PTPRD: variants seen among roughly 807,000 people sequenced by gnomAD.
The protein encoded by PTPRD is receptor-type tyrosine-protein phosphatase delta.
In PTPRD, 34 loss-of-function variants were observed where a neutral mutation model predicts 214.5. That is an observed-to-expected ratio of 0.16 (90% CI 0.12 to 0.21). The LOEUF (loss-of-function observed/expected upper bound fraction) is 0.21, where lower values mean the gene tolerates loss of function less well. Ranked by LOEUF, PTPRD falls within the 10% of genes least tolerant of loss-of-function variation. PTPRD has a pLI of 1.00. For missense variants in PTPRD, 2,545 were observed against 2,398.7 expected (o/e 1.06, Z -1.27); for synonymous variants, 1,128 against 845.7 (o/e 1.33, Z -5.79).
At chr9:9,335,813 C>T (rs1241648588) in intron 9 of PTPRD, among the ~76,000 whole-genome samples, 1 of 152,022 alleles carries the variant, frequency 6.6e-6, no homozygotes, top group Non-Finnish European at 1.5e-5. Context: ...GATGTCTAAA[C>T]TTCAAAGCAA....
intron 10 of PTPRD, among the ~76,000 whole-genome samples, chr9:9,154,632 A>C (rs1290809562): frequency 6.6e-6 from 1 of 152,208 alleles, no homozygotes; most frequent in Non-Finnish European, 1.5e-5. Context: ...AGTCGATAGT[A>C]GTTATAAAAC....
chr9:9,847,661 G>A (rs1055514111), intron 5 of PTPRD, among the ~76,000 whole-genome samples: 2 of 152,074 alleles, frequency 1.3e-5, no homozygotes, highest in Non-Finnish European at 2.9e-5. Flanking sequence ...TGTTTCTGTG[G>A]TAGCTTTCCA....
At chr9:10,100,263 C>T (rs1399551308) in intron 3 of PTPRD, among the ~76,000 whole-genome samples, 1 of 151,618 alleles carries the variant, frequency 6.6e-6, no homozygotes, top group Non-Finnish European at 1.5e-5. Context: ...ACTTTCCATC[C>T]ATCTCATTTA....
At chr9:8,488,000 G>C (rs1195445425) in intron 27 of PTPRD, among the ~76,000 whole-genome samples, 1 of 152,100 alleles carries the variant, frequency 6.6e-6, no homozygotes, top group African/African-American at 2.4e-5. Flanking sequence ...TTGCTGTCCA[G>C]CCTGAGTGAC....
At chr9:8,867,073 T>G (rs1253255540) in intron 11 of PTPRD, among the ~76,000 whole-genome samples, 1 of 152,192 alleles carries the variant, frequency 6.6e-6, no homozygotes, top group Admixed American at 6.6e-5. Context: ...GTCAGATAAT[T>G]GTGTTTGGGA....
intron 9 of PTPRD, among the ~76,000 whole-genome samples, chr9:9,275,069 T>TATATATATA (rs1555158763): frequency 3.0e-5 from 2 of 65,706 alleles, no homozygotes; most frequent in Non-Finnish European, 5.5e-5. Context: ...ATATATATTA[T>TATATATATA]ATATATATAT....
chr9:8,966,164 A>G (rs146846820), intron 11 of PTPRD, among the ~76,000 whole-genome samples: 1 of 152,022 alleles, frequency 6.6e-6, no homozygotes. Flanking sequence ...GGATTGGAAG[A>G]CTCAATATTA....
intron 9 of PTPRD, among the ~76,000 whole-genome samples, chr9:9,360,989 A>G (rs987483813): frequency 1.1e-4 from 16 of 151,292 alleles, no homozygotes; most frequent in African/African-American, 3.4e-4. Flanking sequence ...CCAAATAGAG[A>G]TGACTTGGTT....
intron 2 of PTPRD, among the ~76,000 whole-genome samples, chr9:10,564,706 C>T (rs1000957555): frequency 7.2e-5 from 11 of 152,096 alleles, no homozygotes. Context: ...CTCTTATCTA[C>T]CTTTTGCTGT....
At chr9:9,825,967 G>A (rs1261036249) in intron 5 of PTPRD, among the ~76,000 whole-genome samples, 1 of 151,190 alleles carries the variant, frequency 6.6e-6, no homozygotes, top group Non-Finnish European at 1.5e-5. Flanking sequence ...ATATCCTTAA[G>A]TACATGAAAT....
chr9:8,683,059 G>C (rs1435124018), intron 12 of PTPRD, among the ~76,000 whole-genome samples: 6 of 152,092 alleles, frequency 3.9e-5, no homozygotes, highest in Non-Finnish European at 8.8e-5. Context: ...GCCTTAATAG[G>C]TCCACATGAT....
chr9:9,000,603 C>T (rs936180299), intron 11 of PTPRD, among the ~76,000 whole-genome samples: 3 of 151,842 alleles, frequency 2.0e-5, no homozygotes, highest in Non-Finnish European at 4.4e-5. Flanking sequence ...TTTAATGACC[C>T]CCATTGCCAT....
At chr9:10,045,416 C>G (rs999206406) in intron 3 of PTPRD, among the ~76,000 whole-genome samples, 2 of 151,600 alleles carry the variant, frequency 1.3e-5, no homozygotes, top group African/African-American at 4.8e-5. Flanking sequence ...TTTTCTATAT[C>G]TGTACTTAAT....
intron 3 of PTPRD, among the ~76,000 whole-genome samples, chr9:10,057,212 G>A (rs2097669072): frequency 1.3e-5 from 2 of 152,116 alleles, no homozygotes; most frequent in Non-Finnish European, 2.9e-5. Context: ...TAAAGAATCT[G>A]CACATTTGCA....
At chr9:9,239,211 A>C (rs1282488397) in intron 9 of PTPRD, among the ~76,000 whole-genome samples, 9 of 151,430 alleles carry the variant, frequency 5.9e-5, no homozygotes, top group Non-Finnish European at 1.3e-4. Flanking sequence ...AAAAAAAAAA[A>C]CCACAAGTAT....
chr9:9,588,005 A>G (rs2092284173), intron 7 of PTPRD, among the ~76,000 whole-genome samples: 1 of 151,994 alleles, frequency 6.6e-6, no homozygotes, highest in Non-Finnish European at 1.5e-5. Context: ...GAGGACTTGA[A>G]ATTATACCAA....
At chr9:9,986,602 T>C (rs900137246) in intron 4 of PTPRD, among the ~76,000 whole-genome samples, 1 of 152,124 alleles carries the variant, frequency 6.6e-6, no homozygotes, top group African/African-American at 2.4e-5. Context: ...TCTTAATATG[T>C]GCATATATTA....
intron 9 of PTPRD, among the ~76,000 whole-genome samples, chr9:9,222,133 T>A (rs1451452966): frequency 6.6e-6 from 1 of 152,096 alleles, no homozygotes; most frequent in African/African-American, 2.4e-5. Flanking sequence ...ACAAAGTTTA[T>A]TAGTATTATT....
intron 2 of PTPRD, among the ~76,000 whole-genome samples, chr9:10,355,977 G>C (rs1357441892): frequency 6.6e-6 from 1 of 151,994 alleles, no homozygotes; most frequent in Non-Finnish European, 1.5e-5. Context: ...ATGTACACTG[G>C]GAATGATATG....
Sources: gnomAD v4.1 joint callset for allele counts (sites outside exome capture counted in the v4.1 genomes callset) on GRCh38, gnomAD v4.1.1 for gene constraint, MANE v1.5 for transcripts, NCBI Gene and HGNC (gene_info 2026-07-23, HGNC 2026-07-21) for gene names.